ZBBX: variants seen among roughly 807,000 people sequenced by gnomAD.
The protein encoded by ZBBX is zinc finger B-box domain-containing protein 1.
ZBBX carries 101 observed loss-of-function variants against 108.5 expected under a neutral mutation model. The ratio of observed to expected loss-of-function variants is 0.93; its 90% CI spans 0.79 to 1.10. The LOEUF (loss-of-function observed/expected upper bound fraction) is 1.10. Ranked by LOEUF, ZBBX falls within the 50% of genes least tolerant of loss-of-function variation. The pLI is 0.00. For missense variants in ZBBX, 1,009 were observed against 941.4 expected (o/e 1.07, Z -0.94); for synonymous variants, 356 against 323.4 (o/e 1.10, Z -1.08).
intron 10 of ZBBX, among the ~76,000 whole-genome samples, chr3:167,329,209 G>T (rs1043710375): frequency 6.6e-6 from 1 of 152,170 alleles, no homozygotes; most frequent in African/African-American, 2.4e-5. Flanking sequence ...GAATCAGAGA[G>T]AACAGCCACA....
rs1299675199 is a variant in ZBBX, at chr3:167,254,903, T to TGAGA, written c.2255-12264_2255-12261dup. On this transcript the variant is annotated intron_variant, in intron 20 of 21. Transcript: ENST00000675490. ...GTGTGTGTGTGAGAGAGAGAGAGAA[T>TGAGA]GAGAGAGAGAGAGAGAAAGGGAGAG... Among the ~76,000 whole-genome samples, 4 of 145,972 alleles carry TGAGA rather than the reference T, an allele frequency of 2.7e-5. No homozygotes were observed. In the South Asian group the frequency reaches 6.6e-4, roughly 24 times the overall value.
intron 1 of ZBBX, among the ~76,000 whole-genome samples, chr3:167,393,779 A>C (rs1354057524): frequency 6.6e-6 from 1 of 151,930 alleles, no homozygotes; most frequent in Non-Finnish European, 1.5e-5. Context: ...TTATTGAACT[A>C]TTAGATTACA....
At chr3:167,184,963 G>A in the ZBBX span, among the ~76,000 whole-genome samples, 1 of 152,012 alleles carries the variant, frequency 6.6e-6, no homozygotes, top group Admixed American at 6.6e-5. Context: ...TTACAATTAG[G>A]GGACACTAGG....
intron 18 of ZBBX, among the ~76,000 whole-genome samples, chr3:167,294,185 A>G (rs1731222223): frequency 3.3e-5 from 5 of 152,318 alleles, no homozygotes; most frequent in Middle Eastern, 3.4e-3. Context: ...ACAGGATTGG[A>G]AAAAATTTAC....
At chr3:167,213,079 C>G in the ZBBX span, among the ~76,000 whole-genome samples, 1 of 152,160 alleles carries the variant, frequency 6.6e-6, no homozygotes. Flanking sequence ...AAAACCCACA[C>G]ACAGGGATGA....
intron 8 of ZBBX, among the ~76,000 whole-genome samples, chr3:167,359,006 C>T (rs183884969): frequency 8.0e-5 from 11 of 137,962 alleles, no homozygotes; most frequent in Admixed American, 2.9e-4. Context: ...AAAAGACATA[C>T]ACAAATGTCC....
At chr3:167,360,634 G>T in intron 7 of ZBBX, 41 bp downstream of exon 7, 1 of 1,123,032 alleles carries the variant, frequency 8.9e-7, no homozygotes, top group East Asian at 2.9e-5. Flanking sequence ...AAAAGAAAGG[G>T]ATGTCTTTAG....
intron 18 of ZBBX, among the ~76,000 whole-genome samples, chr3:167,289,202 T>A (rs894230366): frequency 6.6e-6 from 1 of 152,094 alleles, no homozygotes; most frequent in Non-Finnish European, 1.5e-5. Flanking sequence ...CAATGCAACA[T>A]AAAGTATAAT....
chr3:167,274,625 C>T (rs1727151770), intron 20 of ZBBX, among the ~76,000 whole-genome samples: 1 of 152,208 alleles, frequency 6.6e-6, no homozygotes, highest in Non-Finnish European at 1.5e-5. Flanking sequence ...CCAACAGTTA[C>T]TGTAAACAGC....
the ZBBX span, among the ~76,000 whole-genome samples, chr3:167,203,819 A>G: frequency 7.2e-5 from 11 of 152,284 alleles, no homozygotes; most frequent in South Asian, 2.3e-3. Context: ...TATTGGCAAG[A>G]GCAGAACTAC....
Position 167,371,994 on chromosome 3 carries a change from A to G in ZBBX, c.68+840T>C, listed in dbSNP as rs113150380. On this transcript the variant is annotated intron_variant, in intron 4 of 21. Transcript: ENST00000675490. Reference sequence around the variant, plus strand: ...TTTGGGAGGTAGAGGTGAGAGGATTACTTAAGGTCAGGAGTAAACCAACCT... The same window carrying G: ...TTTGGGAGGTAGAGGTGAGAGGATTGCTTAAGGTCAGGAGTAAACCAACCT... 7.4e-3 allele frequency among the ~76,000 whole-genome samples: 1,125 copies of G among 152,248 alleles called. 13 individuals carry two copies. Among genetic ancestry groups the G allele is most frequent in the African/African-American group, 0.026 (1,068 of 41,568 alleles).
intron 4 of ZBBX, among the ~76,000 whole-genome samples, chr3:167,370,594 C>T (rs1172160883): frequency 6.6e-6 from 1 of 152,108 alleles, no homozygotes; most frequent in Non-Finnish European, 1.5e-5. Flanking sequence ...AAGGTTAAGG[C>T]TGTAGAAAAA....
intron 6 of ZBBX, among the ~76,000 whole-genome samples, chr3:167,363,984 GTAT>G (rs1362720860): frequency 6.6e-6 from 1 of 151,934 alleles, no homozygotes; most frequent in East Asian, 1.9e-4. Context: ...TGGTTAGTAG[GTAT>G]TATTATGCAA....
intron 20 of ZBBX, among the ~76,000 whole-genome samples, chr3:167,261,294 G>A (rs1470499674): frequency 6.6e-6 from 1 of 152,142 alleles, no homozygotes. Flanking sequence ...CTCTATTTTT[G>A]TACTGGTTGG....
chr3:167,318,905 C>T (rs1156395407), intron 12 of ZBBX, among the ~76,000 whole-genome samples: 1 of 151,836 alleles, frequency 6.6e-6, no homozygotes, highest in East Asian at 1.9e-4. Flanking sequence ...TGAGATACAA[C>T]TACACGCCTT....
the ZBBX span, among the ~76,000 whole-genome samples, chr3:167,188,593 C>T: frequency 6.6e-6 from 1 of 152,140 alleles, no homozygotes; most frequent in African/African-American, 2.4e-5. Flanking sequence ...GAGAGTGAGA[C>T]ACACATCTAA....
intron 20 of ZBBX, among the ~76,000 whole-genome samples, chr3:167,248,954 G>C (rs933712030): frequency 1.3e-5 from 2 of 152,176 alleles, no homozygotes; most frequent in African/African-American, 2.4e-5. Context: ...AGTGAAAGGA[G>C]GACATTCATT....
intron 6 of ZBBX, among the ~76,000 whole-genome samples, chr3:167,361,284 C>A (rs1560182917): frequency 6.6e-6 from 1 of 152,058 alleles, no homozygotes; most frequent in South Asian, 2.1e-4. Flanking sequence ...AAATAAGATT[C>A]ACTGCTAGAT....
Position 167,326,374 on chromosome 3 carries a change from T to C in ZBBX, c.862+1568A>G, listed in dbSNP as rs1737383929. Among the ~76,000 whole-genome samples, 3 of 152,156 alleles carry C rather than the reference T, an allele frequency of 2.0e-5. No individual in the cohort carries two copies. The South Asian group carries it at 6.2e-4, about 31-fold the overall frequency. On this transcript the variant is annotated intron_variant, in intron 11 of 21. Transcript: ENST00000675490. ...AAAATGTTAACATGGATTTTCTCTA[T>C]ATGATGAGACTGAGGTATTTTCATT...
Sources: allele counts gnomAD v4.1 joint callset (sites outside exome capture counted in the v4.1 genomes callset), GRCh38; gene constraint gnomAD v4.1.1; transcripts MANE v1.5; gene names NCBI Gene and HGNC (gene_info 2026-07-23, HGNC 2026-07-21).